Variants in DNAJC14 observed in about 807,000 individuals in gnomAD.
DNAJC14 encodes DnaJ heat shock protein family (Hsp40) member C14.
Under a neutral mutation model 68.8 loss-of-function variants are expected in DNAJC14, and 12 were observed. That is an observed-to-expected ratio of 0.17 (90% confidence interval 0.11 to 0.28). The LOEUF (loss-of-function observed/expected upper bound fraction) is 0.28, where lower values mean the gene tolerates loss of function less well. Among genes scored for constraint, DNAJC14 ranks in the 10% least tolerant of loss-of-function variants. The pLI is 1.00. For synonymous variants in DNAJC14, 350 were observed against 321.5 expected (o/e 1.09, Z -0.95); for missense variants, 764 against 875.6 (o/e 0.87, Z 1.61).
In DNAJC14 at chr12:55,828,097, T is replaced by G; in HGVS notation, c.562A>C (p.Ser188Arg). The stretch of plus-strand genomic sequence containing the variant: ...CTCCGGGATGGGGGTTTCTTTCCGC[T>G]GGACACACGTGAAAAATCACTGGGG... ...KFPSDFSRVS[S>R]GKKPPSRRQR... is the part of the protein sequence containing the mutation. The change falls in exon 2 of 7, where the codon AGC becomes CGC. Residue 188 changes from serine to arginine, a missense_variant. Ser to Arg is a moderately radical substitution (Grantham distance 110). This residue lies in a region of DNAJC14 where 514 missense variants were observed against 521.7 expected (regional missense o/e 0.99). Coordinates refer to ENST00000678005, the MANE Select transcript of DNAJC14 (RefSeq NM_032364.6). The G allele has an allele frequency of 6.2e-7, 1 of 1,600,976 alleles. No homozygotes were observed. The highest frequency in any genetic ancestry group is 8.5e-7 in the Non-Finnish European group (1 of 1,174,364).
chr12:55,827,371 G>T lies in DNAJC14; in HGVS notation c.1288C>A (p.Arg430=). 1 of 1,613,734 alleles carries T rather than the reference G, an allele frequency of 6.2e-7. No individual in the cohort carries two copies. The change falls in exon 2 of 7, where the codon CGA becomes AGA. Residue 430 remains arginine, a synonymous_variant. Transcript: ENST00000678005. ...GGAACCCCAGCCATGGTCAAGAGTCGAGCCACTTCCTCTTCAGGCTGGCAG... is the reference window on the plus strand; with the variant it reads ...GGAACCCCAGCCATGGTCAAGAGTCTAGCCACTTCCTCTTCAGGCTGGCAG... ...RYCQPEEEVA[R]LLTMAGVPED...
intron 2 of DNAJC14, among the ~76,000 whole-genome samples, chr12:55,825,824 G>GT (rs1565689491): frequency 6.6e-6 from 1 of 151,584 alleles, no homozygotes; most frequent in Admixed American, 6.6e-5. Flanking sequence ...GATTACAGGC[G>GT]TAAGCCACCG....
At chr12:55,829,445 A>C in intron 1 of DNAJC14, 44 bp downstream of exon 1, 1 of 983,938 alleles carries the variant, frequency 1.0e-6, no homozygotes, top group Non-Finnish European at 1.2e-6. Flanking sequence ...ACTCCATCTC[A>C]AAAAAACAAA....
chr12:55,828,176 A>G lies in DNAJC14; in HGVS notation c.483T>C (p.Ala161=). ...CCTCTTCCAACTCATCTTCCCCCAA[A>G]GCTGGAGAGGTACAGTGGTGGCAAA... ...SNFCHHCTSP[A]LGEDELEEEY... The change falls in exon 2 of 7, where the codon GCT becomes GCC. Residue 161 remains alanine (A), a synonymous_variant. Coordinates refer to ENST00000678005, the MANE Select transcript of DNAJC14 (RefSeq NM_032364.6). 6.2e-7 allele frequency: 1 copy of G among 1,612,964 alleles called. No homozygotes were observed. The highest frequency in any genetic ancestry group is 1.1e-5 in the South Asian group (1 of 90,918).
Position 55,822,282 on chromosome 12 carries a change from C to G in DNAJC14, c.1898+91G>C, listed in dbSNP as rs547136084. 50 of 1,535,020 alleles carry G rather than the reference C, an allele frequency of 3.3e-5. No individual in the cohort carries two copies. In the African/African-American group the frequency reaches 5.7e-4, roughly 17 times the overall value. On this transcript the variant is annotated intron_variant, in intron 6 of 6. Coordinates refer to ENST00000678005, the MANE Select transcript of DNAJC14 (RefSeq NM_032364.6). ...ATCAGTTCCCAAACTTCCTAGAAAA[C>G]AAGGCCCCTGGGTGTCCTAAAAAGC... is the stretch of plus-strand genomic sequence containing the variant.
At position 55,823,109 on chromosome 12, in the gene DNAJC14, A is replaced by T; in HGVS notation, c.1595T>A (p.Met532Lys). 2 of 1,614,150 alleles carry T rather than the reference A, an allele frequency of 1.2e-6. No individual in the cohort carries two copies. The highest frequency in any genetic ancestry group is 1.7e-6 in the Non-Finnish European group (2 of 1,180,036). The change falls in exon 4 of 7, where the codon ATG becomes AAG. Residue 532 changes from methionine (M) to lysine (K), a missense_variant. Coordinates refer to ENST00000678005, the MANE Select transcript of DNAJC14 (RefSeq NM_032364.6). ...SKLQDDLKEA[M>K]NTMMCSRCQG... ...GCATCGGCTACACATCATAGTATTC[A>T]TTGCCTCCTTGAGGTCATCTTGCAG...
chr12:55,823,633 C>T (rs2136217262), intron 2 of DNAJC14, 125 bp from the exon 3 acceptor site: 2 of 723,962 alleles, frequency 2.8e-6, no homozygotes, highest in Non-Finnish European at 4.7e-6. Flanking sequence ...TAATGATTAA[C>T]TGCTCTGACT....
At position 55,828,210 on chromosome 12, in the gene DNAJC14, G is replaced by A. The variant is rs1880857654; in HGVS notation, c.449C>T (p.Ser150Phe). Residue 150 changes from serine (S) to phenylalanine (F), a missense_variant, in exon 2 of 7, where the codon TCT becomes TTT. Physicochemically the swap from Ser to Phe is radical, Grantham distance 155 (BLOSUM62 -2). Transcript: ENST00000678005. Reference sequence around the variant, plus strand: ...GGTACAGTGGTGGCAAAAGTTGCTAGAAGAACCATTTCCTCCCTCAGAGTA... The same window carrying A: ...GGTACAGTGGTGGCAAAAGTTGCTAAAAGAACCATTTCCTCCCTCAGAGTA... ...GPYSEGGNGS[S>F]SNFCHHCTSP... The A allele has an allele frequency of 1.2e-6, 2 of 1,611,138 alleles. No homozygotes were observed. Among genetic ancestry groups the A allele is most frequent in the East Asian group, 4.5e-5 (2 of 44,852 alleles).
At position 55,823,203 on chromosome 12, in the gene DNAJC14, T is replaced by C; in HGVS notation, c.1515-14A>G. 3.7e-6 allele frequency: 6 copies of C among 1,614,088 alleles called. No homozygotes were observed. The highest frequency in any genetic ancestry group is 4.2e-6 in the Non-Finnish European group (5 of 1,180,034). On this transcript the variant is annotated splice_polypyrimidine_tract_variant and intron_variant, in intron 3 of 6. Coordinates refer to ENST00000678005, the MANE Select transcript of DNAJC14 (RefSeq NM_032364.6). Reference sequence around the variant, plus strand: ...GCCATTCGTTTCCTAATAGAAGAAATGCTTTGTAAGTCAGAAGGTATTGAG... The same window carrying C: ...GCCATTCGTTTCCTAATAGAAGAAACGCTTTGTAAGTCAGAAGGTATTGAG...
chr12:55,829,281 C>G lies in DNAJC14; in HGVS notation c.-57+208G>C, dbSNP rs529314600. The G allele has an allele frequency of 3.0e-5, 26 of 867,464 alleles. No individual in the cohort carries two copies. In the South Asian group the frequency reaches 1.1e-3, roughly 35 times the overall value. The allele number at this position is 867,464 out of a possible 1,614,324, so 53.7% of individuals were successfully genotyped here. On this transcript the variant is annotated intron_variant, in intron 1 of 6. Coordinates refer to ENST00000678005, the MANE Select transcript of DNAJC14 (RefSeq NM_032364.6). ...CCAACATGGTGAAACTCCGTCTCTA[C>G]TAAAAATACAGAAATTCGCCAGGCG...
intron 1 of DNAJC14, chr12:55,829,006 T>G (rs1880886296): frequency 1.3e-6 from 1 of 777,580 alleles, no homozygotes; most frequent in Non-Finnish European, 1.6e-6. Flanking sequence ...GGTGGGTCAC[T>G]CTTAGGAAAA....
At chr12:55,829,027 C>A in intron 1 of DNAJC14, 1 of 873,136 alleles carries the variant, frequency 1.1e-6, no homozygotes, top group Non-Finnish European at 1.4e-6. Flanking sequence ...TGGGAAAGAC[C>A]GCCGGAAAGG....
At position 55,827,186 on chromosome 12, in the gene DNAJC14, A is replaced by G. The variant is rs375838738; in HGVS notation, c.1407+66T>C. 1.0e-5 allele frequency: 13 copies of G among 1,297,910 alleles called. No homozygotes were observed. The African/African-American group carries it at 1.3e-4, about 13-fold the overall frequency. 80.4% of individuals were successfully genotyped at this position (1,297,910 alleles called of 1,614,324 possible). The stretch of plus-strand genomic sequence containing the variant: ...AGCCTGGGTGACAGAGCGAGACTAC[A>G]TCTCAAAAAAAAAAAAAAAAAATAT... On this transcript the variant is annotated intron_variant, in intron 2 of 6. Transcript: ENST00000678005.
rs1482843466 is a variant in DNAJC14 at position 55,827,611 on chromosome 12, C to G, written c.1048G>C (p.Val350Leu). 6.2e-7 allele frequency: 1 copy of G among 1,608,300 alleles called. No homozygotes were observed. Among genetic ancestry groups the G allele is most frequent in the Admixed American group, 1.7e-5 (1 of 59,404 alleles). ...CAGCCTAACCGGTCACCTAGTCCCACCAGAAACCGCCATCCCAACTGTAGA... is the reference window on the plus strand; with the variant it reads ...CAGCCTAACCGGTCACCTAGTCCCAGCAGAAACCGCCATCCCAACTGTAGA... ...GFLQLGWRFL[V>L]GLGDRLGWRD... Residue 350 changes from valine (V) to leucine (L), a missense_variant, in exon 2 of 7, where the codon GTG (valine) becomes CTG (leucine). Transcript: ENST00000678005.
In DNAJC14 at chr12:55,821,963, A is replaced by G. The variant is rs772576817; in HGVS notation, c.*14T>C. 1 of 1,598,914 alleles carries G rather than the reference A, an allele frequency of 6.3e-7. No homozygotes were observed. Among genetic ancestry groups the G allele is most frequent in the Admixed American group, 1.8e-5 (1 of 56,548 alleles). On this transcript the variant is annotated 3_prime_UTR_variant, in exon 7 of 7. Coordinates refer to ENST00000678005, the MANE Select transcript of DNAJC14 (RefSeq NM_032364.6). Reference sequence around the variant, plus strand: ...TTGACTCCCTGACATTGATTTGAGGAAAGAGAAGGGGCATCAACGTTGGAA... The same window carrying G: ...TTGACTCCCTGACATTGATTTGAGGGAAGAGAAGGGGCATCAACGTTGGAA...
chr12:55,827,074 C>G (rs963754356), intron 2 of DNAJC14, among the ~76,000 whole-genome samples, 178 bp downstream of exon 2: 3 of 151,500 alleles, frequency 2.0e-5, no homozygotes, highest in African/African-American at 7.3e-5. Context: ...ACCTGTAATC[C>G]CAGCTACTCA....
rs1348662279 is a variant in DNAJC14 at position 55,821,645 on chromosome 12, C to G, written c.*332G>C. 1 of 162,884 alleles carries G rather than the reference C, an allele frequency of 6.1e-6. No individual in the cohort carries two copies. The highest frequency in any genetic ancestry group is 1.3e-5 in the Non-Finnish European group (1 of 75,256). 10.1% of individuals were successfully genotyped at this position (162,884 alleles called of 1,614,324 possible). ...GGTGGATCACCTGAGCTCAGGAGTT[C>G]GAGACCAGCCTGGGCAACATGGTGA... On this transcript the variant is annotated 3_prime_UTR_variant, in exon 7 of 7. Coordinates refer to ENST00000678005, the MANE Select transcript of DNAJC14 (RefSeq NM_032364.6).
chr12:55,823,355 G>C, intron 3 of DNAJC14, 47 bp downstream of exon 3: 1 of 1,608,202 alleles, frequency 6.2e-7, no homozygotes, highest in Non-Finnish European at 8.5e-7. Context: ...CTGCTATTGA[G>C]GATTTTTCAT....
chr12:55,823,036 G>T (rs1212013595), intron 4 of DNAJC14, 34 bp downstream of exon 4: 2 of 1,611,408 alleles, frequency 1.2e-6, no homozygotes, highest in South Asian at 2.2e-5. Context: ...TCCCTGAGCT[G>T]TGATTGTCCC....
Sources: allele counts gnomAD v4.1 joint callset (sites outside exome capture counted in the v4.1 genomes callset), GRCh38; gene constraint gnomAD v4.1.1; regional missense constraint gnomAD v4.1.1; transcripts MANE v1.5; gene names NCBI Gene and HGNC (gene_info 2026-07-23, HGNC 2026-07-21).